ADAMTS2: variants seen among roughly 807,000 people sequenced by gnomAD.
The protein encoded by ADAMTS2 is A disintegrin and metalloproteinase with thrombospondin motifs 2.
In ADAMTS2, 50 loss-of-function variants were observed where a neutral mutation model predicts 123.0. That is an observed-to-expected ratio of 0.41 (90% CI 0.32 to 0.51). ADAMTS2 has a LOEUF of 0.51. ADAMTS2 is among the 20% of genes least tolerant of loss of function. The pLI is 0.35. For missense variants in ADAMTS2, 1,494 were observed against 1,705.2 expected (o/e 0.88, Z 2.18); for synonymous variants, 678 against 695.4 (o/e 0.98, Z 0.39).
intron 3 of ADAMTS2, among the ~76,000 whole-genome samples, chr5:179,219,789 C>T (rs1219165261): frequency 6.6e-6 from 1 of 152,108 alleles, no homozygotes; most frequent in Non-Finnish European, 1.5e-5. Flanking sequence ...AGGGCTGGGG[C>T]CTCCTGTCTA....
intron 2 of ADAMTS2, among the ~76,000 whole-genome samples, chr5:179,305,820 A>T (rs569551567): frequency 1.2e-3 from 187 of 152,340 alleles, no homozygotes; most frequent in African/African-American, 4.2e-3. Context: ...CATCACAGCC[A>T]TAAAAAAGAT....
In ADAMTS2 at chr5:179,181,819, A is replaced by T. The variant is rs1764055162; in HGVS notation, c.892-664T>A. Among the ~76,000 whole-genome samples, 1 of 152,164 alleles carries T rather than the reference A, an allele frequency of 6.6e-6. No individual in the cohort carries two copies. The highest frequency in any genetic ancestry group is 2.4e-5 in the African/African-American group (1 of 41,426). On this transcript the variant is annotated intron_variant, in intron 4 of 21. Transcript: ENST00000251582. The surrounding 1 kb of genome is among the most constrained non-coding windows in gnomAD (Gnocchi z 4.1). ...AAAACCATTATTCTGAGCAGGTGCCAATGGGCTTCAGCAGATATCAAAGGG... is the reference window on the plus strand; with the variant it reads ...AAAACCATTATTCTGAGCAGGTGCCTATGGGCTTCAGCAGATATCAAAGGG...
intron 10 of ADAMTS2, among the ~76,000 whole-genome samples, chr5:179,148,735 A>G (rs914208103): frequency 5.9e-5 from 9 of 152,016 alleles, no homozygotes; most frequent in African/African-American, 1.7e-4. Flanking sequence ...CTTCCTAGCA[A>G]AGGCCCCTCA....
At chr5:179,186,665 A>G (rs1189522422) in intron 4 of ADAMTS2, among the ~76,000 whole-genome samples, 1 of 152,194 alleles carries the variant, frequency 6.6e-6, no homozygotes, top group African/African-American at 2.4e-5. Context: ...CAGCGGCAAC[A>G]TTTCTGCAGA....
chr5:179,289,322 C>G (rs1244577430), intron 2 of ADAMTS2, among the ~76,000 whole-genome samples: 1 of 152,152 alleles, frequency 6.6e-6, no homozygotes, highest in African/African-American at 2.4e-5. Flanking sequence ...ATCCACAGAT[C>G]AGTATTGGTA....
In ADAMTS2 at chr5:179,128,668, C is replaced by T. The variant is rs61136555; in HGVS notation, c.2458-550G>A. Among the ~76,000 whole-genome samples, 1,715 of 152,308 alleles carry T rather than the reference C, an allele frequency of 0.011. 37 individuals are homozygous for T. Among genetic ancestry groups the T allele is most frequent in the African/African-American group, 0.039 (1,619 of 41,572 alleles). On this transcript the variant is annotated intron_variant, in intron 16 of 21. Transcript: ENST00000251582. The surrounding 1 kb of genome is among the most constrained non-coding windows in gnomAD (Gnocchi z 4.9). ...TCGGCCTCCCAAAGTACTGGGATTA[C>T]AGGCATGAGCCACTGCGCCTGGCCT... is the stretch of plus-strand genomic sequence containing the variant.
chr5:179,140,181 T>C, intron 10 of ADAMTS2, 146 bp from the exon 11 acceptor site: 1 of 1,229,120 alleles, frequency 8.1e-7, no homozygotes, highest in Non-Finnish European at 1.2e-6. Context: ...CCCTAGATGC[T>C]CAGAGCCCCC....
chr5:179,291,749 T>C (rs999630707), intron 2 of ADAMTS2, among the ~76,000 whole-genome samples: 1 of 151,972 alleles, frequency 6.6e-6, no homozygotes, highest in East Asian at 1.9e-4. Flanking sequence ...TATTTATTTA[T>C]TTATTTAGAG....
rs1009732854 is a variant in ADAMTS2, at chr5:179,197,848, C to A, written c.891+9665G>T. On this transcript the variant is annotated intron_variant, in intron 4 of 21. Coordinates refer to ENST00000251582, the MANE Select transcript of ADAMTS2 (RefSeq NM_014244.5). The surrounding 1 kb of genome is among the most constrained non-coding windows in gnomAD (Gnocchi z 4.2). ...TGGGGACGAAACTTGAGGTGCCACA[C>A]ACATCTGAGCTGCCTCCTAGCATGG... Among the ~76,000 whole-genome samples the A allele has an allele frequency of 1.3e-5, 2 of 152,224 alleles. No homozygotes were observed. The highest frequency in any genetic ancestry group is 2.4e-5 in the African/African-American group (1 of 41,456).
chr5:179,120,369 C>A (rs1762730205), intron 21 of ADAMTS2: 4 of 152,226 alleles, frequency 2.6e-5, no homozygotes, highest in African/African-American at 9.7e-5. Flanking sequence ...AATAAAATAT[C>A]CCTGATAAAC....
chr5:179,151,102 A>T (rs1261603779), intron 10 of ADAMTS2: 1 of 375,258 alleles, frequency 2.7e-6, no homozygotes, highest in Non-Finnish European at 5.5e-6. Flanking sequence ...TTGCCATGTT[A>T]ACCAGACTTG....
intron 2 of ADAMTS2, among the ~76,000 whole-genome samples, chr5:179,292,931 T>C (rs576895618): frequency 1.3e-5 from 2 of 152,316 alleles, no homozygotes; most frequent in Non-Finnish European, 2.9e-5. Flanking sequence ...GAGGTCAGTT[T>C]TGCCATCCAA....
chr5:179,236,305 G>A (rs369245959), intron 3 of ADAMTS2, among the ~76,000 whole-genome samples: 255 of 152,294 alleles, frequency 1.7e-3, no homozygotes, highest in African/African-American at 5.8e-3. Context: ...GGTGCTTGGG[G>A]AAGAGGGACG....
chr5:179,336,791 C>T (rs926607285), intron 2 of ADAMTS2, among the ~76,000 whole-genome samples: 1 of 152,054 alleles, frequency 6.6e-6, no homozygotes, highest in Non-Finnish European at 1.5e-5. Flanking sequence ...TCCACCCTGC[C>T]GGTCACGAGG....
rs1432858457 is a variant in ADAMTS2 at position 179,312,176 on chromosome 5, G to A, written c.534+31591C>T. Among the ~76,000 whole-genome samples, 2 of 152,126 alleles carry A rather than the reference G, an allele frequency of 1.3e-5. No homozygotes were observed. Among genetic ancestry groups the A allele is most frequent in the African/African-American group, 4.8e-5 (2 of 41,428 alleles). On this transcript the variant is annotated intron_variant, in intron 2 of 21. Coordinates refer to ENST00000251582, the MANE Select transcript of ADAMTS2 (RefSeq NM_014244.5). This position sits in a 1 kb window ranked among gnomAD's most constrained non-coding sequence, Gnocchi z 4.2. Reference sequence around the variant, plus strand: ...GAACCCATAAATGTTACCTTCCATGGCAAAAAAGAACTTTGTAGATGCGGT... The same window carrying A: ...GAACCCATAAATGTTACCTTCCATGACAAAAAAGAACTTTGTAGATGCGGT...
At chr5:179,199,160 C>A (rs926478875) in intron 4 of ADAMTS2, among the ~76,000 whole-genome samples, 1 of 152,228 alleles carries the variant, frequency 6.6e-6, no homozygotes, top group African/African-American at 2.4e-5. Context: ...CAGAAGGCCC[C>A]GACCTTGGGG....
At chr5:179,153,655 T>G (rs773485254) in intron 8 of ADAMTS2, 32 bp from the exon 9 acceptor site, 4 of 1,587,162 alleles carry the variant, frequency 2.5e-6, no homozygotes, top group Non-Finnish European at 3.4e-6. Context: ...GCGAGCAGCC[T>G]TCAGCGCGGC....
chr5:179,233,714 A>G (rs1372394016), intron 3 of ADAMTS2, among the ~76,000 whole-genome samples: 1 of 152,120 alleles, frequency 6.6e-6, no homozygotes, highest in Non-Finnish European at 1.5e-5. Flanking sequence ...ACAAACAAAC[A>G]AAACAAACAA....
At chr5:179,138,174 A>G (rs1189348705) in intron 11 of ADAMTS2, among the ~76,000 whole-genome samples, 1 of 152,198 alleles carries the variant, frequency 6.6e-6, no homozygotes, top group Non-Finnish European at 1.5e-5. Context: ...CAGGATGGCC[A>G]CATCCTCCCT....
Sources: gnomAD v4.1 joint callset for allele counts (sites outside exome capture counted in the v4.1 genomes callset) on GRCh38, gnomAD v4.1.1 for gene constraint, Gnocchi (gnomAD v3.1) non-coding constraint, MANE v1.5 for transcripts, NCBI Gene and HGNC (gene_info 2026-07-23, HGNC 2026-07-21) for gene names.